Variants in SNX30 observed in about 807,000 individuals in gnomAD.
The protein encoded by SNX30 is sorting nexin family member 30, also known as sorting nexin-30.
In SNX30, 24 loss-of-function variants were observed where a neutral mutation model predicts 46.4. The ratio of observed to expected loss-of-function variants is 0.52; its 90% CI spans 0.37 to 0.73. The LOEUF is 0.73. Ranked by LOEUF, SNX30 falls within the 30% of genes least tolerant of loss-of-function variation. The pLI is 0.00. For synonymous variants in SNX30, 189 were observed against 211.5 expected (o/e 0.89, Z 0.92); for missense variants, 533 against 555.7 (o/e 0.96, Z 0.41).
chr9:112,829,853 C>T (rs1392539505), intron 3 of SNX30, among the ~76,000 whole-genome samples: 1 of 152,028 alleles, frequency 6.6e-6, no homozygotes, highest in African/African-American at 2.4e-5. Context: ...TGATGTTAAG[C>T]ATCTTTTCAT....
chr9:112,845,076 G>C (rs1840919753), intron 6 of SNX30, among the ~76,000 whole-genome samples: 1 of 152,178 alleles, frequency 6.6e-6, no homozygotes, highest in Non-Finnish European at 1.5e-5. Context: ...AAATATGCCT[G>C]ATTTCAAAGG....
intron 7 of SNX30, among the ~76,000 whole-genome samples, chr9:112,853,705 G>T (rs1970527): frequency 7.9e-5 from 12 of 152,054 alleles, no homozygotes; most frequent in Non-Finnish European, 1.5e-4. Flanking sequence ...GGTGGTTGCC[G>T]GGACTCAGGA....
chr9:112,783,089 T>C (rs1249738298), intron 1 of SNX30, among the ~76,000 whole-genome samples: 1 of 152,238 alleles, frequency 6.6e-6, no homozygotes, highest in East Asian at 1.9e-4. Flanking sequence ...GAAACACTAA[T>C]GAAGAATTGC....
intron 1 of SNX30, among the ~76,000 whole-genome samples, chr9:112,794,160 CT>C (rs374645298): frequency 2.0e-5 from 3 of 150,884 alleles, no homozygotes; most frequent in African/African-American, 7.3e-5. Flanking sequence ...CATTTTTTTT[CT>C]TTTTTTTTGA....
chr9:112,830,720 C>T lies in SNX30; in HGVS notation c.460-5C>T. On this transcript the variant is annotated splice_region_variant and splice_polypyrimidine_tract_variant and intron_variant, in intron 3 of 8. Transcript: ENST00000374232. ...ACTCTGGTTTTTTTCTTCATGTCTT[C>T]ATAGCCTCTTCCCGAGAAGTTTGTG... 6.2e-7 allele frequency: 1 copy of T among 1,606,792 alleles called. No individual in the cohort carries two copies. The highest frequency in any genetic ancestry group is 8.5e-7 in the Non-Finnish European group (1 of 1,178,056).
chr9:112,792,534 C>T (rs909625887), intron 1 of SNX30, among the ~76,000 whole-genome samples: 1 of 152,226 alleles, frequency 6.6e-6, no homozygotes, highest in Non-Finnish European at 1.5e-5. Flanking sequence ...AAGCAATTCT[C>T]ATGCCTCAGC....
chr9:112,883,695 CTTTTCTTTTTTTT>C (rs1841610851), downstream of SNX30, among the ~76,000 whole-genome samples: 1 of 111,232 alleles, frequency 9.0e-6, no homozygotes, highest in African/African-American at 3.5e-5. Flanking sequence ...TTTCTTTTTT[CTTTTCTTTTTTTT>C]TTTTTTTGAG....
At chr9:112,823,906 C>T (rs534319556) in intron 3 of SNX30, among the ~76,000 whole-genome samples, 2 of 152,236 alleles carry the variant, frequency 1.3e-5, no homozygotes, top group South Asian at 2.1e-4. Flanking sequence ...TTAATCTCTG[C>T]ACTTGGTGAC....
chr9:112,843,783 T>A (rs1306202200), intron 6 of SNX30, among the ~76,000 whole-genome samples: 1 of 151,912 alleles, frequency 6.6e-6, no homozygotes, highest in Non-Finnish European at 1.5e-5. Context: ...CCCGGCTAAT[T>A]TTTGTATTTT....
At chr9:112,824,703 C>T (rs1483951113) in intron 3 of SNX30, among the ~76,000 whole-genome samples, 1 of 152,186 alleles carries the variant, frequency 6.6e-6, no homozygotes, top group African/African-American at 2.4e-5. Flanking sequence ...GCTCTTGGGG[C>T]TGTCTGCATT....
Position 112,751,123 on chromosome 9 carries a change from C to G in SNX30, c.122C>G (p.Pro41Arg), listed in dbSNP as rs1386237131. The stretch of plus-strand genomic sequence containing the variant: ...GTGGGTGGTGACAGCACGCCCAGCC[C>G]GGACCTGCTGATGGCCCGCAGCTTC... The part of the protein sequence containing the change: ...EAVGGDSTPS[P>R]DLLMARSFGD... The change falls in exon 1 of 9, where the codon CCG (proline) becomes CGG (arginine). Residue 41 changes from proline to arginine, a missense_variant. Physicochemically the swap from Pro to Arg is moderately radical, Grantham distance 103. Transcript: ENST00000374232. The G allele has an allele frequency of 6.6e-7, 1 of 1,513,696 alleles. No homozygotes were observed. The highest frequency in any genetic ancestry group is 8.8e-7 in the Non-Finnish European group (1 of 1,139,414). The allele number at this position is 1,513,696 out of a possible 1,614,324, so 93.8% of individuals were successfully genotyped here. A position where few individuals can be genotyped will look rare whatever the true frequency, so the allele number is the denominator to read the frequency against.
At chr9:112,818,951 CTA>C (rs1445633350) in intron 3 of SNX30, among the ~76,000 whole-genome samples, 5 of 152,174 alleles carry the variant, frequency 3.3e-5, no homozygotes, top group Non-Finnish European at 5.9e-5. Context: ...TTTCTGTCTT[CTA>C]ACCACTTAAA....
rs543647866 is a variant in SNX30, at chr9:112,771,592, G to A, written c.156+20435G>A. Among the ~76,000 whole-genome samples, 346 of 152,218 alleles carry A rather than the reference G, an allele frequency of 2.3e-3. 15 individuals carry two copies. The South Asian group carries it at 0.07, about 31-fold the overall frequency. ...CAGCCTTCAAGAGTATAGTCTCCCC[G>A]GGTGGCTATTTGACCAAATTAGGGA... On this transcript the variant is annotated intron_variant, in intron 1 of 8. Coordinates refer to ENST00000374232, the MANE Select transcript of SNX30 (RefSeq NM_001012994.2).
intron 2 of SNX30, among the ~76,000 whole-genome samples, chr9:112,817,119 CT>C (rs1428664428): frequency 6.6e-6 from 1 of 151,982 alleles, no homozygotes; most frequent in Non-Finnish European, 1.5e-5. Flanking sequence ...TAAGCAAAAC[CT>C]TTTCTATTTT....
chr9:112,754,252 G>C (rs1327592476), intron 1 of SNX30, among the ~76,000 whole-genome samples: 54 of 152,190 alleles, frequency 3.5e-4, no homozygotes, highest in Non-Finnish European at 2.9e-5. Context: ...GGGTAGAAGA[G>C]AAAGACTGAA....
At chr9:112,868,762 T>TG in intron 8 of SNX30, 22 bp from the exon 9 acceptor site, 1 of 1,613,886 alleles carries the variant, frequency 6.2e-7, no homozygotes, top group Non-Finnish European at 8.5e-7. Context: ...GCTGATACTG[T>TG]GTGTGTATGT....
intron 8 of SNX30, among the ~76,000 whole-genome samples, chr9:112,865,649 A>ATGTGTGTGTGTGTGTGTGTG (rs1377711834): frequency 2.3e-5 from 2 of 86,054 alleles, no homozygotes; most frequent in African/African-American, 3.7e-5. Context: ...ATATATATAT[A>ATGTGTGTGTGTGTGTGTGTG]TATATATATA....
intron 7 of SNX30, among the ~76,000 whole-genome samples, chr9:112,857,091 T>A (rs763545742): frequency 5.3e-5 from 8 of 152,196 alleles, no homozygotes; most frequent in Admixed American, 2.0e-4. Context: ...GCGCCCTGCC[T>A]TTCCCGAGGC....
At chr9:112,806,487 G>A (rs1324320788) in intron 2 of SNX30, among the ~76,000 whole-genome samples, 6 of 152,154 alleles carry the variant, frequency 3.9e-5, no homozygotes, top group South Asian at 2.1e-4. Flanking sequence ...TCTGATGAGC[G>A]TGTCCCTCGT....
Sources: gnomAD v4.1 joint callset for allele counts (sites outside exome capture counted in the v4.1 genomes callset) on GRCh38, gnomAD v4.1.1 for gene constraint, MANE v1.5 for transcripts, NCBI Gene and HGNC (gene_info 2026-07-23, HGNC 2026-07-21) for gene names.